Variants in TACC2 observed in about 807,000 individuals in gnomAD.
TACC2 encodes the protein transforming acidic coiled-coil containing protein 2.
Under a neutral mutation model 227.3 loss-of-function variants are expected in TACC2, and 137 were observed. That is an observed-to-expected ratio of 0.60 (90% confidence interval 0.52 to 0.69). The LOEUF (loss-of-function observed/expected upper bound fraction) is 0.69, where lower values mean the gene tolerates loss of function less well. TACC2 is among the 30% of genes least tolerant of loss of function. TACC2 has a pLI of 0.00. For synonymous variants in TACC2, 1,523 were observed against 1,487.5 expected, an observed-to-expected ratio of 1.02 and a Z score of -0.55; for missense variants, 3,470 against 3,694.4, an observed-to-expected ratio of 0.94 and a Z score of 1.57.
intron 16 of TACC2, 124 bp from the exon 17 acceptor site, chr10:122,237,271 A>C (rs1256193574): frequency 2.1e-6 from 2 of 955,470 alleles, no homozygotes; most frequent in Non-Finnish European, 3.0e-6. Flanking sequence ...GCACTTTCTC[A>C]TACTTTTGAT....
chr10:122,090,507 A>G (rs1255290560), intron 5 of TACC2, among the ~76,000 whole-genome samples: 1 of 146,636 alleles, frequency 6.8e-6, no homozygotes, highest in African/African-American at 2.5e-5. Flanking sequence ...AGATTGCGCC[A>G]CTGCACTCCA....
intron 1 of TACC2, among the ~76,000 whole-genome samples, chr10:121,992,936 C>T (rs1264875488): frequency 6.8e-6 from 1 of 147,890 alleles, no homozygotes; most frequent in Non-Finnish European, 1.5e-5. Flanking sequence ...GCCTGGGCAA[C>T]AGAGTGAGAC....
intron 8 of TACC2, among the ~76,000 whole-genome samples, chr10:122,195,820 G>A (rs1452661641): frequency 6.6e-6 from 1 of 152,200 alleles, no homozygotes; most frequent in Non-Finnish European, 1.5e-5. Context: ...TCACATGGAA[G>A]ATTCACAGGA....
intron 3 of TACC2, among the ~76,000 whole-genome samples, chr10:122,072,977 G>A (rs1209444935): frequency 6.6e-6 from 1 of 151,448 alleles, no homozygotes. Context: ...GCCAGGCGTG[G>A]TGGCGCGGGC....
At chr10:122,090,848 C>T (rs180922922) in intron 5 of TACC2, among the ~76,000 whole-genome samples, 1 of 152,214 alleles carries the variant, frequency 6.6e-6, no homozygotes, top group East Asian at 1.9e-4. Flanking sequence ...ACCCCAGGAT[C>T]CTCCCACTTC....
intron 5 of TACC2, among the ~76,000 whole-genome samples, chr10:122,115,282 GTGTGTGTGTGTGTGT>G (rs1445117594): frequency 1.6e-4 from 2 of 12,274 alleles, no homozygotes; most frequent in African/African-American, 2.1e-4. Flanking sequence ...GTGTGTGTGT[GTGTGTGTGTGTGTGT>G]GTGTGTGTGT....
At chr10:122,223,720 G>A (rs1288437411) in intron 11 of TACC2, among the ~76,000 whole-genome samples, 1 of 152,140 alleles carries the variant, frequency 6.6e-6, no homozygotes, top group African/African-American at 2.4e-5. Context: ...AAATAAAGGG[G>A]CTTTAAACCA....
chr10:122,002,835 T>C (rs963678514), intron 1 of TACC2, among the ~76,000 whole-genome samples: 1 of 152,236 alleles, frequency 6.6e-6, no homozygotes, highest in African/African-American at 2.4e-5. Flanking sequence ...TGTAATTTTG[T>C]GTGTTTGTGC....
intron 3 of TACC2, among the ~76,000 whole-genome samples, chr10:122,072,891 A>T (rs1427038656): frequency 1.3e-5 from 2 of 151,996 alleles, no homozygotes; most frequent in Non-Finnish European, 2.9e-5. Flanking sequence ...AGGAGGGCAG[A>T]TCATGAGGTC....
At chr10:122,020,464 C>T (rs1025759226) in intron 1 of TACC2, among the ~76,000 whole-genome samples, 2 of 152,088 alleles carry the variant, frequency 1.3e-5, no homozygotes, top group African/African-American at 4.8e-5. Context: ...TTTAATTGGG[C>T]CTGTTTGAAC....
At chr10:122,035,652 A>G (rs1591319942) in intron 2 of TACC2, among the ~76,000 whole-genome samples, 2 of 152,300 alleles carry the variant, frequency 1.3e-5, no homozygotes, top group South Asian at 4.1e-4. Flanking sequence ...TTTTAAGTGG[A>G]CCGTTCAGTG....
chr10:122,107,081 A>C (rs2082897193), intron 5 of TACC2, among the ~76,000 whole-genome samples: 1 of 152,224 alleles, frequency 6.6e-6, no homozygotes, highest in Admixed American at 6.5e-5. Context: ...CTTCTGTTTC[A>C]TTGGCCAAGG....
chr10:122,224,445 G>C (rs565433575), intron 11 of TACC2, among the ~76,000 whole-genome samples: 1 of 152,284 alleles, frequency 6.6e-6, no homozygotes, highest in East Asian at 1.9e-4. Context: ...GGCCACACTT[G>C]GGCTGTGCTT....
chr10:122,066,861 G>C (rs1336069197), intron 3 of TACC2, among the ~76,000 whole-genome samples: 1 of 152,008 alleles, frequency 6.6e-6, no homozygotes, highest in Non-Finnish European at 1.5e-5. Flanking sequence ...TTATTTTAGT[G>C]GTTGCTTTAA....
At chr10:122,172,843 G>T (rs1264216088) in intron 7 of TACC2, among the ~76,000 whole-genome samples, 1 of 152,126 alleles carries the variant, frequency 6.6e-6, no homozygotes, top group Admixed American at 6.5e-5. Flanking sequence ...AGGGCAGGGG[G>T]TGAGGGGCAG....
intron 2 of TACC2, among the ~76,000 whole-genome samples, chr10:122,049,275 G>C (rs557780343): frequency 6.6e-6 from 1 of 152,180 alleles, no homozygotes; most frequent in Non-Finnish European, 1.5e-5. Context: ...CTGGCATCTC[G>C]GCTTTTCTCT....
chr10:122,101,723 C>CGT (rs1406812091), intron 5 of TACC2, among the ~76,000 whole-genome samples: 6 of 55,726 alleles, frequency 1.1e-4, no homozygotes, highest in African/African-American at 1.5e-4. Flanking sequence ...CCATGCCCAG[C>CGT]TTTTTTTTTT....
chr10:122,224,635 C>T (rs2095587585), intron 11 of TACC2, 91 bp from the exon 12 acceptor site: 1 of 1,150,212 alleles, frequency 8.7e-7, no homozygotes, highest in Non-Finnish European at 1.3e-6. Flanking sequence ...ATAGCTCCCA[C>T]CCTGCCTGGC....
chr10:122,222,778 G>A (rs993353800), intron 11 of TACC2, among the ~76,000 whole-genome samples: 2 of 152,286 alleles, frequency 1.3e-5, no homozygotes, highest in Admixed American at 6.5e-5. Context: ...TCTGTTGCTC[G>A]TTTGGTGTGT....
Sources: gnomAD v4.1 joint callset for allele counts (sites outside exome capture counted in the v4.1 genomes callset) on GRCh38, gnomAD v4.1.1 for gene constraint, MANE v1.5 for transcripts, NCBI Gene and HGNC (gene_info 2026-07-23, HGNC 2026-07-21) for gene names.